Variants in SGCD observed in about 807,000 individuals in gnomAD.
SGCD encodes the protein delta-sarcoglycan.
SGCD carries 18 observed loss-of-function variants against 36.6 expected under a neutral mutation model. The ratio of observed to expected loss-of-function variants is 0.49; its 90% CI spans 0.34 to 0.73. SGCD has a LOEUF of 0.73. SGCD is among the 30% of genes least tolerant of loss of function. The pLI is 0.01. For synonymous variants in SGCD, 133 were observed against 130.6 expected, an observed-to-expected ratio of 1.02 and a Z score of -0.12; for missense variants, 387 against 346.7, an observed-to-expected ratio of 1.12 and a Z score of -0.92.
intron 1 of SGCD, among the ~76,000 whole-genome samples, chr5:155,914,232 A>G (rs1317043765): frequency 6.6e-6 from 1 of 152,190 alleles, no homozygotes; most frequent in Admixed American, 6.6e-5. Context: ...TCAAATCTTG[A>G]TGAAGTTGTG....
chr5:155,912,467 GTCCAAATGGCA>G (rs1314737859), intron 1 of SGCD, among the ~76,000 whole-genome samples: 2 of 152,148 alleles, frequency 1.3e-5, no homozygotes, highest in African/African-American at 4.8e-5. Context: ...CTTGGGTTCT[GTCCAAATGGCA>G]TTCGAAACTA....
intron 6 of SGCD, among the ~76,000 whole-genome samples, chr5:156,603,746 CA>C (rs1761295845): frequency 6.6e-6 from 1 of 151,576 alleles, no homozygotes; most frequent in African/African-American, 2.4e-5. Context: ...AGTTTTATAC[CA>C]TTGTCAGAAA....
At chr5:156,682,875 A>C (rs938742663) in intron 7 of SGCD, among the ~76,000 whole-genome samples, 1 of 152,250 alleles carries the variant, frequency 6.6e-6, no homozygotes, top group African/African-American at 2.4e-5. Context: ...ACATGCACAC[A>C]GTAGAATAAT....
intron 3 of SGCD, among the ~76,000 whole-genome samples, chr5:156,421,204 A>G (rs1463946282): frequency 6.6e-6 from 1 of 152,126 alleles, no homozygotes; most frequent in Non-Finnish European, 1.5e-5. Context: ...GAGATAGCCT[A>G]ATTTCTTTCA....
At chr5:156,134,616 G>A (rs770569436) in intron 3 of SGCD, among the ~76,000 whole-genome samples, 1 of 151,188 alleles carries the variant, frequency 6.6e-6, no homozygotes, top group Non-Finnish European at 1.5e-5. Flanking sequence ...AAACACCACA[G>A]GTTCTCACTC....
intron 3 of SGCD, among the ~76,000 whole-genome samples, chr5:156,423,349 A>ATTATATTTTATAATAT (rs1561685768): frequency 5.3e-4 from 8 of 15,038 alleles, no homozygotes; most frequent in African/African-American, 1.4e-3. Flanking sequence ...AATATATTAT[A>ATTATATTTTATAATAT]ATTTTATTAT....
intron 7 of SGCD, among the ~76,000 whole-genome samples, chr5:156,709,364 C>T (rs531541060): frequency 6.6e-6 from 1 of 152,324 alleles, no homozygotes; most frequent in Non-Finnish European, 1.5e-5. Context: ...TGCTCCCACT[C>T]CCTTCCTTGT....
At chr5:156,270,225 A>G (rs1445871539) in intron 3 of SGCD, among the ~76,000 whole-genome samples, 1 of 151,988 alleles carries the variant, frequency 6.6e-6, no homozygotes, top group African/African-American at 2.4e-5. Flanking sequence ...CCATTGGTCT[A>G]TATGTCTGTT....
chr5:156,580,295 T>A (rs1422225246), intron 4 of SGCD, among the ~76,000 whole-genome samples: 1 of 152,234 alleles, frequency 6.6e-6, no homozygotes. Context: ...TGTTAGTCTG[T>A]TGGGCTTCCC....
chr5:155,955,138 G>A (rs1757625309), intron 1 of SGCD, among the ~76,000 whole-genome samples: 1 of 152,088 alleles, frequency 6.6e-6, no homozygotes, highest in Admixed American at 6.6e-5. Context: ...GCTTTTCTCA[G>A]TCTACTGATT....
intron 4 of SGCD, among the ~76,000 whole-genome samples, chr5:156,549,017 G>C (rs1397441219): frequency 1.3e-5 from 2 of 151,822 alleles, no homozygotes; most frequent in African/African-American, 4.9e-5. Flanking sequence ...ACAACACACT[G>C]CTTAGATTAT....
At chr5:155,945,463 A>G (rs922030039) in intron 1 of SGCD, among the ~76,000 whole-genome samples, 1 of 152,222 alleles carries the variant, frequency 6.6e-6, no homozygotes, top group Non-Finnish European at 1.5e-5. Context: ...GGGAAGACAA[A>G]GACCAAGTAA....
At chr5:156,737,050 C>T (rs2113048358) in intron 7 of SGCD, among the ~76,000 whole-genome samples, 1 of 152,134 alleles carries the variant, frequency 6.6e-6, no homozygotes, top group South Asian at 2.1e-4. Context: ...AATGGCTGGA[C>T]CAAAGATAGA....
chr5:156,519,219 A>T (rs906222207), intron 4 of SGCD, among the ~76,000 whole-genome samples: 4 of 152,182 alleles, frequency 2.6e-5, no homozygotes, highest in Admixed American at 2.0e-4. Context: ...ATGCATATAA[A>T]CCAGAAAATC....
the SGCD span, among the ~76,000 whole-genome samples, chr5:155,854,789 A>G: frequency 2.0e-5 from 3 of 152,216 alleles, no homozygotes; most frequent in East Asian, 1.9e-4. Context: ...AGAAATTATT[A>G]TAACAGTGGC....
intron 7 of SGCD, among the ~76,000 whole-genome samples, chr5:156,721,949 A>G (rs1441451937): frequency 1.3e-5 from 2 of 152,196 alleles, no homozygotes; most frequent in East Asian, 1.9e-4. Flanking sequence ...GTGTCTCCCA[A>G]TTGGAATCCC....
chr5:156,534,706 T>C (rs1758026060), intron 4 of SGCD, among the ~76,000 whole-genome samples: 1 of 152,234 alleles, frequency 6.6e-6, no homozygotes, highest in African/African-American at 2.4e-5. Flanking sequence ...AGCTTCTTAC[T>C]AGCTTTGTAA....
chr5:156,519,353 AAAACAAAC>A (rs148970150), intron 4 of SGCD, among the ~76,000 whole-genome samples: 452 of 152,150 alleles, frequency 3.0e-3, no homozygotes, highest in Non-Finnish European at 4.5e-3. Context: ...TACCAACAAA[AAAACAAAC>A]AAACAAACAA....
intron 1 of SGCD, among the ~76,000 whole-genome samples, chr5:155,894,230 T>G (rs1357605114): frequency 6.6e-6 from 1 of 152,192 alleles, no homozygotes; most frequent in Non-Finnish European, 1.5e-5. Flanking sequence ...TTTTAAAAAG[T>G]TGTAATTTTA....
Sources: gnomAD v4.1 joint callset for allele counts (sites outside exome capture counted in the v4.1 genomes callset) on GRCh38, gnomAD v4.1.1 for gene constraint, MANE v1.5 for transcripts, NCBI Gene and HGNC (gene_info 2026-07-23, HGNC 2026-07-21) for gene names.